UBQLN1: variants seen among roughly 807,000 people sequenced by gnomAD.
UBQLN1 encodes ubiquilin 1, also known as ubiquilin-1.
A neutral mutation model predicts 65.4 loss-of-function variants in UBQLN1; 13 were observed. That is an observed-to-expected ratio of 0.20 (90% CI 0.13 to 0.32). The LOEUF (loss-of-function observed/expected upper bound fraction) is 0.32. Ranked by LOEUF, UBQLN1 falls within the 10% of genes least tolerant of loss-of-function variation. The pLI, the probability that UBQLN1 is intolerant of heterozygous loss-of-function variation, is 1.00. For missense variants in UBQLN1, 561 were observed against 724.0 expected (o/e 0.77, Z 2.58); for synonymous variants, 267 against 247.8 (o/e 1.08, Z -0.73).
At chr9:83,691,132 G>A (rs1320303034) in intron 1 of UBQLN1, among the ~76,000 whole-genome samples, 6 of 150,948 alleles carry the variant, frequency 4.0e-5, no homozygotes, top group Admixed American at 2.6e-4. Context: ...AGAGGCACTC[G>A]TCTCAAAAAA....
intron 3 of UBQLN1, 78 bp downstream of exon 3, chr9:83,682,873 C>A: frequency 1.6e-6 from 1 of 614,572 alleles, no homozygotes. Flanking sequence ...GTTTTATTTT[C>A]TCATTTTATC....
chr9:83,669,038 G>T (rs768288422), intron 7 of UBQLN1, 147 bp downstream of exon 7: 1 of 878,476 alleles, frequency 1.1e-6, no homozygotes, highest in Non-Finnish European at 1.6e-6. Context: ...AGAAACACAC[G>T]GTCTAAAAAA....
At chr9:83,685,000 C>T (rs1181139640) in intron 2 of UBQLN1, among the ~76,000 whole-genome samples, 1 of 152,140 alleles carries the variant, frequency 6.6e-6, no homozygotes, top group African/African-American at 2.4e-5. Flanking sequence ...CATGCCTGCA[C>T]ATGTAGTCTA....
At position 83,687,116 on chromosome 9, in the gene UBQLN1, G is replaced by T. The variant is rs554853735; in HGVS notation, c.181-961C>A. ...AAAAGACACAACTCTCCCTGAAGGT[G>T]AGCAGTCCAATGAGAGTCAAGTAAA... On this transcript the variant is annotated intron_variant, in intron 1 of 10. Coordinates refer to ENST00000376395, the MANE Select transcript of UBQLN1 (RefSeq NM_013438.5). Among the ~76,000 whole-genome samples the T allele has an allele frequency of 1.3e-3, 193 of 152,204 alleles. 1 individual carries two copies. Among genetic ancestry groups the T allele is most frequent in the African/African-American group, 4.5e-3 (186 of 41,518 alleles).
At chr9:83,689,028 T>C (rs2131173331) in intron 1 of UBQLN1, among the ~76,000 whole-genome samples, 1 of 152,362 alleles carries the variant, frequency 6.6e-6, no homozygotes, top group African/African-American at 2.4e-5. Context: ...TTACAATCCA[T>C]TTCAGAACAT....
At chr9:83,704,881 G>T (rs534855462) in intron 1 of UBQLN1, among the ~76,000 whole-genome samples, 1 of 147,300 alleles carries the variant, frequency 6.8e-6, no homozygotes, top group East Asian at 2.1e-4. Flanking sequence ...AAATAAAAGC[G>T]TTCACAGAAT....
chr9:83,688,834 C>G (rs1204859186), intron 1 of UBQLN1, among the ~76,000 whole-genome samples: 1 of 150,698 alleles, frequency 6.6e-6, no homozygotes, highest in Non-Finnish European at 1.5e-5. Context: ...GCACTCCAGC[C>G]TGGGCGATGA....
intron 1 of UBQLN1, among the ~76,000 whole-genome samples, chr9:83,705,638 G>A (rs1375395889): frequency 6.6e-6 from 1 of 152,148 alleles, no homozygotes; most frequent in South Asian, 2.1e-4. Context: ...AACCATGAAA[G>A]ATAAAAGAGT....
At chr9:83,704,824 C>CAAAA (rs780432842) in intron 1 of UBQLN1, among the ~76,000 whole-genome samples, 15,840 of 69,136 alleles carry the variant, frequency 0.23, 1,931 homozygotes, top group East Asian at 0.51. Context: ...GACTCCATCT[C>CAAAA]AAAAAAAAAA....
At chr9:83,677,624 A>T in intron 6 of UBQLN1, 103 bp downstream of exon 6, 2 of 787,356 alleles carry the variant, frequency 2.5e-6, no homozygotes, top group Non-Finnish European at 2.0e-6. Context: ...AAAGATACTC[A>T]CTATACATAC....
At chr9:83,665,971 A>C (rs1831637393) in intron 8 of UBQLN1, among the ~76,000 whole-genome samples, 1 of 152,224 alleles carries the variant, frequency 6.6e-6, no homozygotes, top group African/African-American at 2.4e-5. Context: ...AAACCTATAA[A>C]ATAGAATAGG....
chr9:83,667,913 T>A, intron 7 of UBQLN1: 1 of 924,036 alleles, frequency 1.1e-6, no homozygotes, highest in African/African-American at 1.9e-5. Context: ...TAGCAACATT[T>A]TGTTTTAGAG....
intron 7 of UBQLN1, 92 bp from the exon 8 acceptor site, chr9:83,666,525 C>G: frequency 8.1e-7 from 1 of 1,239,498 alleles, no homozygotes; most frequent in South Asian, 1.3e-5. Flanking sequence ...AGTGCCTCAG[C>G]TGGCACTTAA....
intron 3 of UBQLN1, among the ~76,000 whole-genome samples, chr9:83,682,304 A>T (rs1173731353): frequency 1.3e-5 from 2 of 151,836 alleles, no homozygotes; most frequent in South Asian, 2.1e-4. Flanking sequence ...ATATATATAT[A>T]TTCCACAGAA....
At chr9:83,686,782 A>G (rs1267551840) in intron 1 of UBQLN1, among the ~76,000 whole-genome samples, 2 of 152,170 alleles carry the variant, frequency 1.3e-5, no homozygotes, top group African/African-American at 4.8e-5. Context: ...TATGAAATGC[A>G]CCAACATCCA....
chr9:83,688,541 T>G (rs537789820), intron 1 of UBQLN1, among the ~76,000 whole-genome samples: 4 of 152,192 alleles, frequency 2.6e-5, no homozygotes, highest in African/African-American at 9.6e-5. Flanking sequence ...TATTGTATTT[T>G]AGGATTTGAA....
rs564564313 is a variant in UBQLN1, at chr9:83,696,907, T to G, written c.180+10593A>C. Among the ~76,000 whole-genome samples, 16 of 152,300 alleles carry G rather than the reference T, an allele frequency of 1.1e-4. No individual in the cohort carries two copies. In the East Asian group the frequency reaches 2.9e-3, roughly 28 times the overall value. ...TAATCAATGATCTGACATAGACTGATGAGTCCAATTACCCTCTGATGAACT... is the reference window on the plus strand; with the variant it reads ...TAATCAATGATCTGACATAGACTGAGGAGTCCAATTACCCTCTGATGAACT... On this transcript the variant is annotated intron_variant, in intron 1 of 10. Transcript: ENST00000376395.
At chr9:83,695,061 A>G (rs1273233952) in intron 1 of UBQLN1, among the ~76,000 whole-genome samples, 1 of 152,186 alleles carries the variant, frequency 6.6e-6, no homozygotes, top group African/African-American at 2.4e-5. Flanking sequence ...AGTAAGATAA[A>G]GAAAATTGTG....
intron 1 of UBQLN1, among the ~76,000 whole-genome samples, chr9:83,690,860 G>C (rs926165705): frequency 1.6e-4 from 25 of 152,114 alleles, no homozygotes; most frequent in South Asian, 2.1e-4. Flanking sequence ...CAATGGGAGC[G>C]GGCGCAGTGG....
Sources: allele counts gnomAD v4.1 joint callset (sites outside exome capture counted in the v4.1 genomes callset), GRCh38; gene constraint gnomAD v4.1.1; transcripts MANE v1.5; gene names NCBI Gene and HGNC (gene_info 2026-07-23, HGNC 2026-07-21).